ZNF805: variants seen among roughly 807,000 people sequenced by gnomAD.
ZNF805 encodes the protein CTC-444N24.8.
Under a neutral mutation model 13.6 loss-of-function variants are expected in ZNF805, and 7 were observed. The ratio of observed to expected loss-of-function variants is 0.51; its 90% CI spans 0.29 to 0.97. ZNF805 has a LOEUF of 0.97. ZNF805 is among the 50% of genes least tolerant of loss of function. The probability of loss-of-function intolerance (pLI) is 0.08; values close to 1 mark genes in which losing one functional copy is unlikely to be tolerated. For missense variants in ZNF805, 604 were observed against 771.0 expected (o/e 0.78, Z 2.57); for synonymous variants, 293 against 279.8 (o/e 1.05, Z -0.47).
At chr19:57,245,575 A>C (rs2361126) in intron 2 of ZNF805, among the ~76,000 whole-genome samples, 87,858 of 147,432 alleles carry the variant, frequency 0.6, 26,822 homozygotes, top group East Asian at 0.75. Flanking sequence ...GTCAGGAGAT[A>C]GAGACCATCC....
At position 57,254,643 on chromosome 19, in the gene ZNF805, A is replaced by T. The variant is rs768464364; in HGVS notation, c.1824A>T (p.Ala608=). 2 of 1,614,202 alleles carry T rather than the reference A, an allele frequency of 1.2e-6. No homozygotes were observed. The highest frequency in any genetic ancestry group is 2.2e-5 in the South Asian group (2 of 91,082). ...TTEENLLQEE[A]SYMASDRTYQ... ...AGGAAAATCTTTTGCAAGAGGAAGC[A>T]TCTTACATGGCATCTGATCGTACAT... The change falls in exon 4 of 4, where the codon GCA becomes GCT. Residue 608 remains alanine, a synonymous_variant. Transcript: ENST00000414468.
chr19:57,240,858 A>T lies in ZNF805; in HGVS notation c.-34A>T. 6.5e-7 allele frequency: 1 copy of T among 1,545,356 alleles called. No homozygotes were observed. ...CCGCGAGACCCGCCCTGCTCGCCGC[A>T]GCCCCCGCCCCGCTAGGGCCACAGG... On this transcript the variant is annotated 5_prime_UTR_variant, in exon 1 of 4. Coordinates refer to ENST00000414468, the MANE Select transcript of ZNF805 (RefSeq NM_001023563.4).
chr19:57,255,322 A>T lies in ZNF805; in HGVS notation c.*619A>T, dbSNP rs1418629199. Among the ~76,000 whole-genome samples the T allele has an allele frequency of 1.3e-5, 2 of 151,838 alleles. No homozygotes were observed. Among genetic ancestry groups the T allele is most frequent in the Non-Finnish European group, 2.9e-5 (2 of 67,934 alleles). On this transcript the variant is annotated 3_prime_UTR_variant, in exon 4 of 4. Transcript: ENST00000414468. ...TGATTTCTTTTTTCTTACTATTTTTATTTAAAATTCATTTAGCATTCCTAG... is the reference window on the plus strand; with the variant it reads ...TGATTTCTTTTTTCTTACTATTTTTTTTTAAAATTCATTTAGCATTCCTAG...
rs1173390905 is a variant in ZNF805, at chr19:57,251,615, A to G, written c.254-1458A>G. Among the ~76,000 whole-genome samples the G allele has an allele frequency of 4.1e-5, 6 of 147,140 alleles. No homozygotes were observed. The South Asian group carries it at 1.1e-3, about 27-fold the overall frequency. On this transcript the variant is annotated intron_variant, in intron 3 of 3. Transcript: ENST00000414468. ...ATCTTTTGTTCAATGAGTTCCTTAC[A>G]TAGCGTAGTCTGATTTATGTTTTTT...
At position 57,260,785 on chromosome 19, in the gene ZNF805, C is replaced by G. The variant is rs1046257876; in HGVS notation, c.*6082C>G. Reference sequence around the variant, plus strand: ...TTAACCACTGGTCATCCTTCCACACCTTTTCTGTATTTGCACTCACTGAGC... The same window carrying G: ...TTAACCACTGGTCATCCTTCCACACGTTTTCTGTATTTGCACTCACTGAGC... On this transcript the variant is annotated 3_prime_UTR_variant, in exon 4 of 4. Coordinates refer to ENST00000414468, the MANE Select transcript of ZNF805 (RefSeq NM_001023563.4). Among the ~76,000 whole-genome samples, 1 of 152,154 alleles carries G rather than the reference C, an allele frequency of 6.6e-6. No individual in the cohort carries two copies. Among genetic ancestry groups the G allele is most frequent in the African/African-American group, 2.4e-5 (1 of 41,424 alleles).
chr19:57,247,032 C>CTT (rs11286084), intron 2 of ZNF805, among the ~76,000 whole-genome samples: 1 of 138,270 alleles, frequency 7.2e-6, no homozygotes, highest in Non-Finnish European at 1.6e-5. Flanking sequence ...CTCTTGTGAA[C>CTT]TTTTTTTTTT....
rs7256013 is a variant in ZNF805, at chr19:57,259,570, G to A, written c.*4867G>A. On this transcript the variant is annotated 3_prime_UTR_variant, in exon 4 of 4. Transcript: ENST00000414468. ...TGCCCAGGCTGGAGTGCAGTGGCGC[G>A]ATCTCTGCTCACTGCAAGCTCTGCC... Among the ~76,000 whole-genome samples, 3,298 of 152,054 alleles carry A rather than the reference G, an allele frequency of 0.022. 112 individuals carry two copies. The highest frequency in any genetic ancestry group is 0.075 in the African/African-American group (3,114 of 41,464).
At position 57,259,898 on chromosome 19, in the gene ZNF805, T is replaced by C. The variant is rs59433719; in HGVS notation, c.*5195T>C. Among the ~76,000 whole-genome samples the C allele has an allele frequency of 0.22, 32,800 of 152,196 alleles. 4,131 individuals carry two copies. The highest frequency in any genetic ancestry group is 0.34 in the African/African-American group (14,257 of 41,500). On this transcript the variant is annotated 3_prime_UTR_variant, in exon 4 of 4. Coordinates refer to ENST00000414468, the MANE Select transcript of ZNF805 (RefSeq NM_001023563.4). The stretch of plus-strand genomic sequence containing the variant: ...CAGAAAAAACTAAATTCCAGAGTCA[T>C]GGTTTTCTGGTGGTTTGTCTCAATA...
In ZNF805 at chr19:57,254,793, CA is replaced by C. The variant is rs1477227562; in HGVS notation, c.*91del. 1.5e-6 allele frequency: 2 copies of C among 1,369,408 alleles called. No individual in the cohort carries two copies. Among genetic ancestry groups the C allele is most frequent in the African/African-American group, 1.5e-5 (1 of 68,014 alleles). 84.8% of individuals were successfully genotyped at this position (1,369,408 alleles called of 1,614,324 possible). On this transcript the variant is annotated 3_prime_UTR_variant, in exon 4 of 4. Coordinates refer to ENST00000414468, the MANE Select transcript of ZNF805 (RefSeq NM_001023563.4). ...TAGAGCCTTATTCTCCATCCGAATT[CA>C]TCCTGGAAAAACACCCAGTGGTTAT...
intron 3 of ZNF805, among the ~76,000 whole-genome samples, chr19:57,251,190 G>T (rs150932788): frequency 6.6e-6 from 1 of 152,082 alleles, no homozygotes; most frequent in African/African-American, 2.4e-5. Flanking sequence ...GTTCTAGTTT[G>T]CAAGATCATT....
intron 3 of ZNF805, among the ~76,000 whole-genome samples, chr19:57,249,038 A>C (rs1329619009): frequency 6.6e-6 from 1 of 152,170 alleles, no homozygotes; most frequent in Non-Finnish European, 1.5e-5. Context: ...ACAAACTCCA[A>C]AATTTAAATG....
Position 57,253,917 on chromosome 19 carries a change from C to G in ZNF805, c.1098C>G (p.Thr366=). ...SYLMWHQQTH[T]GEKPYECSEC... ...TCATGTGGCACCAGCAGACTCATAC[C>G]GGGGAGAAGCCCTATGAGTGCAGTG... is the stretch of plus-strand genomic sequence containing the variant. Residue 366 remains threonine, a synonymous_variant, in exon 4 of 4, where the codon ACC becomes ACG. Transcript: ENST00000414468. The surrounding 1 kb of genome is among the most constrained non-coding windows in gnomAD (Gnocchi z 4.4). 6.2e-7 allele frequency: 1 copy of G among 1,613,736 alleles called. No homozygotes were observed. Among genetic ancestry groups the G allele is most frequent in the Non-Finnish European group, 8.5e-7 (1 of 1,179,930 alleles).
chr19:57,256,223 GTATTT>G lies in ZNF805; in HGVS notation c.*1521_*1525del. ...AATTTTGTTTGTGTACTATGCTACA[GTATTT>G]CATTTGCTAGTATTTTGTTGAGGAA... On this transcript the variant is annotated 3_prime_UTR_variant, in exon 4 of 4. Transcript: ENST00000414468. Among the ~76,000 whole-genome samples, 1 of 152,238 alleles carries G rather than the reference GTATTT, an allele frequency of 6.6e-6. No homozygotes were observed. Among genetic ancestry groups the G allele is most frequent in the South Asian group, 2.1e-4 (1 of 4,828 alleles).
At chr19:57,252,540 A>G (rs2087658036) in intron 3 of ZNF805, among the ~76,000 whole-genome samples, 1 of 152,228 alleles carries the variant, frequency 6.6e-6, no homozygotes, top group African/African-American at 2.4e-5. Flanking sequence ...ATATGTGCAC[A>G]GAGCATTGCA....
chr19:57,252,416 G>A (rs561409754), intron 3 of ZNF805, among the ~76,000 whole-genome samples: 1 of 152,134 alleles, frequency 6.6e-6, no homozygotes, highest in East Asian at 1.9e-4. Flanking sequence ...TCACAGTTTT[G>A]TTTATTACAG....
chr19:57,261,824 A>G lies in ZNF805; in HGVS notation c.*7121A>G, dbSNP rs2087726066. On this transcript the variant is annotated 3_prime_UTR_variant, in exon 4 of 4. Transcript: ENST00000414468. ...GGCTATGATTTACCACACCGAAAGA[A>G]TCCAGAGCAAACTCAGCAAAAGGCT... is the stretch of plus-strand genomic sequence containing the variant. 1.2e-5 allele frequency: 2 copies of G among 167,094 alleles called. No homozygotes were observed. Among genetic ancestry groups the G allele is most frequent in the Non-Finnish European group, 2.9e-5 (2 of 68,122 alleles). The allele number at this position is 167,094 out of a possible 1,614,324, so 10.4% of individuals were successfully genotyped here. A position where few individuals can be genotyped will look rare whatever the true frequency, so the allele number is the denominator to read the frequency against.
chr19:57,247,291 TG>T (rs2087625250), intron 2 of ZNF805, among the ~76,000 whole-genome samples: 1 of 152,200 alleles, frequency 6.6e-6, no homozygotes, highest in Non-Finnish European at 1.5e-5. Flanking sequence ...CCCCTCATCC[TG>T]GCCGCTGGTC....
chr19:57,254,848 T>A lies in ZNF805; in HGVS notation c.*145T>A. On this transcript the variant is annotated 3_prime_UTR_variant, in exon 4 of 4. Transcript: ENST00000414468. The stretch of plus-strand genomic sequence containing the variant: ...GCACTTGGGAAAACCTTTAGCTCCA[T>A]CTTTCTCATTAGTTTACAGTGCAAT... 1 of 790,434 alleles carries A rather than the reference T, an allele frequency of 1.3e-6. No homozygotes were observed. Among genetic ancestry groups the A allele is most frequent in the Non-Finnish European group, 2.0e-6 (1 of 500,320 alleles). The allele number at this position is 790,434 out of a possible 1,614,324, so 49.0% of individuals were successfully genotyped here. A position where few individuals can be genotyped will look rare whatever the true frequency, so the allele number is the denominator to read the frequency against.
Position 57,254,699 on chromosome 19 carries a change from T to C in ZNF805, c.1880T>C (p.Leu627Pro), listed in dbSNP as rs745636798. ...AGAGAAACCCCACAAGTGTCTTCAC[T>C]GTGAGAAAACCTTCTGTTGCCAAAT... is the stretch of plus-strand genomic sequence containing the variant. ...YQRETPQVSS[L>P] is the part of the protein sequence containing the mutation. Residue 627 changes from leucine to proline, a missense_variant, in exon 4 of 4, where the codon CTG (leucine) becomes CCG (proline). Around this residue, in one of 3 missense-constraint regions of ZNF805, gnomAD observed 49 missense variants for 40.0 expected, o/e 1.23. Coordinates refer to ENST00000414468, the MANE Select transcript of ZNF805 (RefSeq NM_001023563.4). 1 of 1,604,272 alleles carries C rather than the reference T, an allele frequency of 6.2e-7. No homozygotes were observed.
Sources: gnomAD v4.1 joint callset for allele counts (sites outside exome capture counted in the v4.1 genomes callset) on GRCh38, gnomAD v4.1.1 for gene constraint, gnomAD v4.1.1 regional missense constraint, Gnocchi (gnomAD v3.1) non-coding constraint, MANE v1.5 for transcripts, NCBI Gene and HGNC (gene_info 2026-07-23, HGNC 2026-07-21) for gene names.